The following CSMD1 variants were observed in gnomAD, a reference collection of about 807,000 sequenced individuals.
The protein encoded by CSMD1 is CUB and sushi domain-containing protein 1.
A neutral mutation model predicts 417.5 loss-of-function variants in CSMD1; 213 were observed. The ratio of observed to expected loss-of-function variants is 0.51; its 90% CI spans 0.46 to 0.57. The LOEUF is 0.57. Ranked by LOEUF, CSMD1 falls within the 20% of genes least tolerant of loss-of-function variation. The pLI, the probability that CSMD1 is intolerant of heterozygous loss-of-function variation, is 0.00. For synonymous variants in CSMD1, 2,862 were observed against 1,736.8 expected (o/e 1.65, Z -16.11); for missense variants, 6,923 against 4,529.7 (o/e 1.53, Z -15.17).
At chr8:3,405,923 T>C (rs1812317509) in intron 15 of CSMD1, 104 bp downstream of exon 15, 1 of 1,071,834 alleles carries the variant, frequency 9.3e-7, no homozygotes, top group Non-Finnish European at 1.3e-6. Flanking sequence ...GGTATTTTGT[T>C]AGGGCAGCCC....
intron 5 of CSMD1, among the ~76,000 whole-genome samples, chr8:3,922,793 A>C: frequency 6.6e-6 from 1 of 152,126 alleles, no homozygotes; most frequent in East Asian, 1.9e-4. Context: ...TACTTTTAAA[A>C]CTTTTTAATT....
In CSMD1 at chr8:4,503,637, C is replaced by T. The variant is rs138266077; in HGVS notation, c.303-83572G>A. Among the ~76,000 whole-genome samples, 394 of 152,180 alleles carry T rather than the reference C, an allele frequency of 2.6e-3. 3 individuals are homozygous for T. Among genetic ancestry groups the T allele is most frequent in the African/African-American group, 9.1e-3 (376 of 41,538 alleles). On this transcript the variant is annotated intron_variant, in intron 2 of 69. Transcript: ENST00000635120. ...CTTGAGTAATGATCATCACTGCAAC[C>T]GAGGCCCAACACATGATTTTTTGCT...
At chr8:3,265,685 A>G (rs536537583) in intron 26 of CSMD1, among the ~76,000 whole-genome samples, 71 of 152,320 alleles carry the variant, frequency 4.7e-4, no homozygotes, top group African/African-American at 1.5e-3. Flanking sequence ...TTATTCTAAT[A>G]TAAGTGAGAA....
chr8:3,345,391 C>A (rs766340951), intron 22 of CSMD1, among the ~76,000 whole-genome samples: 8 of 152,160 alleles, frequency 5.3e-5, no homozygotes, highest in Non-Finnish European at 1.0e-4. Flanking sequence ...GGTCCAACCA[C>A]CGAAACCCCA....
intron 2 of CSMD1, among the ~76,000 whole-genome samples, chr8:4,440,383 G>C (rs773966770): frequency 8.5e-5 from 13 of 152,114 alleles, no homozygotes; most frequent in South Asian, 2.1e-4. Context: ...TGAATAAGGA[G>C]TCAGAGGATT....
chr8:3,310,600 C>A (rs1584976468), intron 23 of CSMD1, among the ~76,000 whole-genome samples: 1 of 152,210 alleles, frequency 6.6e-6, no homozygotes, highest in African/African-American at 2.4e-5. Flanking sequence ...CCATTAGGCA[C>A]ACAAAATCGG....
chr8:4,580,270 C>G (rs1371103147), intron 2 of CSMD1, among the ~76,000 whole-genome samples: 1 of 152,186 alleles, frequency 6.6e-6, no homozygotes, highest in South Asian at 2.1e-4. Context: ...CTGTGGTCAT[C>G]ACCCAGCCAG....
In CSMD1 at chr8:2,935,810, T is replaced by C. The variant is rs1464378994; in HGVS notation, c.*2775A>G. On this transcript the variant is annotated 3_prime_UTR_variant, in exon 70 of 70. Transcript: ENST00000635120. Reference sequence around the variant, plus strand: ...TTACCCCCTTTTTATAATAGCTTTTTGTTGTTGTTTACAAAATATTTTACA... The same window carrying C: ...TTACCCCCTTTTTATAATAGCTTTTCGTTGTTGTTTACAAAATATTTTACA... 6.6e-6 allele frequency: 1 copy of C among 152,226 alleles called. No individual in the cohort carries two copies. Among genetic ancestry groups the C allele is most frequent in the Non-Finnish European group, 1.5e-5 (1 of 68,044 alleles). The allele number at this position is 152,226 out of a possible 1,614,324, so 9.4% of individuals were successfully genotyped here. A position where few individuals can be genotyped will look rare whatever the true frequency, so the allele number is the denominator to read the frequency against.
intron 21 of CSMD1, among the ~76,000 whole-genome samples, chr8:3,353,144 C>T (rs1461560464): frequency 6.6e-6 from 1 of 152,128 alleles, no homozygotes; most frequent in African/African-American, 2.4e-5. Context: ...TCCATGAGGG[C>T]TACTTGCTTA....
At position 3,673,604 on chromosome 8, in the gene CSMD1, G is replaced by C. The variant is rs1029912315; in HGVS notation, c.1009+34810C>G. ...CTTGATTCAGAGCTAATTTTAACTT[G>C]AATAACTCAGCCTGTTTGACCTAAC... On this transcript the variant is annotated intron_variant, in intron 7 of 69. Coordinates refer to ENST00000635120, the MANE Select transcript of CSMD1 (RefSeq NM_033225.6). 3.3e-5 allele frequency among the ~76,000 whole-genome samples: 5 copies of C among 152,178 alleles called. No homozygotes were observed. In the South Asian group the frequency reaches 1.0e-3, roughly 32 times the overall value.
rs1804621133 is a variant in CSMD1, at chr8:2,973,304, T to C, written c.8741-5A>G. 1.2e-6 allele frequency: 2 copies of C among 1,613,314 alleles called. No homozygotes were observed. Among genetic ancestry groups the C allele is most frequent in the Non-Finnish European group, 1.7e-6 (2 of 1,179,402 alleles). On this transcript the variant is annotated splice_polypyrimidine_tract_variant and splice_region_variant and intron_variant, in intron 56 of 69. Transcript: ENST00000635120. ...CACAGAATCCAGGATTATTTCCTAT[T>C]GAAAACAAACACATACGGCAATCCA...
intron 49 of CSMD1, among the ~76,000 whole-genome samples, chr8:3,066,515 G>T (rs1431133839): frequency 6.6e-6 from 1 of 152,182 alleles, no homozygotes; most frequent in Non-Finnish European, 1.5e-5. Context: ...TTTTGAAGTG[G>T]ACTCTGGGGG....
intron 41 of CSMD1, among the ~76,000 whole-genome samples, chr8:3,121,869 T>A (rs938567801): frequency 7.9e-5 from 12 of 152,108 alleles, no homozygotes; most frequent in African/African-American, 2.9e-4. Context: ...AAGATCAGTG[T>A]GAATATCAAG....
chr8:4,363,271 G>C (rs114707348), intron 3 of CSMD1, among the ~76,000 whole-genome samples: 1 of 152,148 alleles, frequency 6.6e-6, no homozygotes, highest in East Asian at 1.9e-4. Context: ...ACCCCTTAAA[G>C]GAGCCTTTTC....
intron 3 of CSMD1, among the ~76,000 whole-genome samples, chr8:4,243,370 A>C (rs992770957): frequency 3.3e-5 from 5 of 152,184 alleles, no homozygotes; most frequent in Non-Finnish European, 7.3e-5. Context: ...AGAGGGGCCC[A>C]AAAAACAGCT....
At chr8:4,285,397 C>T (rs1242975777) in intron 3 of CSMD1, among the ~76,000 whole-genome samples, 4 of 152,094 alleles carry the variant, frequency 2.6e-5, no homozygotes, top group South Asian at 4.1e-4. Context: ...AATTTGTGGC[C>T]ATGAATCTTG....
At chr8:3,489,524 T>C (rs1351646977) in intron 11 of CSMD1, among the ~76,000 whole-genome samples, 1 of 152,136 alleles carries the variant, frequency 6.6e-6, no homozygotes, top group Non-Finnish European at 1.5e-5. Flanking sequence ...TCGAGAACAG[T>C]CTCAATAGAT....
rs149027949 is a variant in CSMD1 at position 3,754,103 on chromosome 8, T to C, written c.819-61A>G. Reference sequence around the variant, plus strand: ...AAACCAACAGAGCAAATGTCCTATATCAAACCCGCTTTGAAATCCGATTAC... The same window carrying C: ...AAACCAACAGAGCAAATGTCCTATACCAAACCCGCTTTGAAATCCGATTAC... On this transcript the variant is annotated intron_variant, in intron 5 of 69. Coordinates refer to ENST00000635120, the MANE Select transcript of CSMD1 (RefSeq NM_033225.6). 8.5e-5 allele frequency: 89 copies of C among 1,050,256 alleles called. 1 individual carries two copies. The African/African-American group carries it at 1.2e-3, about 14-fold the overall frequency. 65.1% of individuals were successfully genotyped at this position (1,050,256 alleles called of 1,614,324 possible).
chr8:4,580,961 C>G (rs775621120), intron 2 of CSMD1, among the ~76,000 whole-genome samples: 1 of 152,178 alleles, frequency 6.6e-6, no homozygotes, highest in African/African-American at 2.4e-5. Flanking sequence ...AAAAGATAGA[C>G]AACGATTGTC....
Sources: gnomAD v4.1 joint callset for allele counts (sites outside exome capture counted in the v4.1 genomes callset) on GRCh38, gnomAD v4.1.1 for gene constraint, MANE v1.5 for transcripts, NCBI Gene and HGNC (gene_info 2026-07-23, HGNC 2026-07-21) for gene names.